Variants in HLTF observed in about 807,000 individuals in gnomAD.
The protein encoded by HLTF is DNA-dependent ATPase/E3 ubiquitin-protein ligase HLTF.
A neutral mutation model predicts 129.4 loss-of-function variants in HLTF; 127 were observed. The ratio of observed to expected loss-of-function variants is 0.98; its 90% CI spans 0.85 to 1.14. The LOEUF (loss-of-function observed/expected upper bound fraction) is 1.14, where lower values mean the gene tolerates loss of function less well. Among genes scored for constraint, HLTF ranks in the 50% most tolerant of loss-of-function variants. The probability of loss-of-function intolerance (pLI) is 0.00; values close to 1 mark genes in which losing one functional copy is unlikely to be tolerated. For missense variants in HLTF, 1,139 were observed against 1,187.1 expected (o/e 0.96, Z 0.60); for synonymous variants, 332 against 388.8 (o/e 0.85, Z 1.72).
At chr3:149,050,092 C>G in intron 15 of HLTF, 140 bp downstream of exon 15, 1 of 425,472 alleles carries the variant, frequency 2.4e-6, no homozygotes, top group East Asian at 3.7e-5. Flanking sequence ...AAAAAAAAAC[C>G]ATTTATTTTT....
intron 6 of HLTF, 67 bp downstream of exon 6, chr3:149,071,516 A>G (rs1718860179): frequency 2.0e-6 from 3 of 1,485,270 alleles, no homozygotes; most frequent in Admixed American, 1.8e-5. Flanking sequence ...GTGATTAAAC[A>G]AAAAGTAGAT....
At position 149,030,894 on chromosome 3, in the gene HLTF, A is replaced by C. The variant is rs975922; in HGVS notation, c.*1326T>G. On this transcript the variant is annotated 3_prime_UTR_variant, in exon 25 of 25. Coordinates refer to ENST00000310053, the MANE Select transcript of HLTF (RefSeq NM_003071.4). The stretch of plus-strand genomic sequence containing the variant: ...GGCATATACCTTCAATGTGTGCCCT[A>C]TAACACAACATTGTCTCCGATCTCA... The C allele has an allele frequency of 2.6e-5, 4 of 152,206 alleles. No homozygotes were observed. The highest frequency in any genetic ancestry group is 5.9e-5 in the Non-Finnish European group (4 of 68,024). 9.4% of individuals were successfully genotyped at this position (152,206 alleles called of 1,614,324 possible). A position where few individuals can be genotyped will look rare whatever the true frequency, so the allele number is the denominator to read the frequency against.
chr3:149,071,575 T>G lies in HLTF; in HGVS notation c.702+8A>C. 1.3e-6 allele frequency: 2 copies of G among 1,572,332 alleles called. No individual in the cohort carries two copies. The highest frequency in any genetic ancestry group is 8.7e-7 in the Non-Finnish European group (1 of 1,146,842). ...AGTAGTCTTAAATAAAAAATATTGG[T>G]TCAATACCTCAGCTGGTTCCATTTC... On this transcript the variant is annotated splice_region_variant and intron_variant, in intron 6 of 24. Coordinates refer to ENST00000310053, the MANE Select transcript of HLTF (RefSeq NM_003071.4).
chr3:149,038,170 T>G (rs746986828), intron 23 of HLTF, among the ~76,000 whole-genome samples: 1 of 152,160 alleles, frequency 6.6e-6, no homozygotes, highest in Non-Finnish European at 1.5e-5. Context: ...GGAAATTGCA[T>G]TTTACCTAAT....
chr3:149,070,641 AAC>A (rs569758966), intron 7 of HLTF, among the ~76,000 whole-genome samples: 83 of 152,366 alleles, frequency 5.4e-4, no homozygotes, highest in African/African-American at 1.9e-3. Flanking sequence ...TACTCTGCAT[AAC>A]ACAATATTTG....
intron 20 of HLTF, 28 bp downstream of exon 20, chr3:149,041,462 C>T: frequency 6.5e-7 from 1 of 1,543,756 alleles, no homozygotes; most frequent in African/African-American, 1.4e-5. Context: ...CTATCAAACA[C>T]TGAACCTGTA....
chr3:149,061,271 C>A (rs1035834918), intron 10 of HLTF, among the ~76,000 whole-genome samples: 15 of 151,942 alleles, frequency 9.9e-5, no homozygotes, highest in African/African-American at 3.1e-4. Context: ...GATAGCCGGG[C>A]GTGGTGGTGG....
At chr3:149,035,941 C>T (rs1715573960) in intron 23 of HLTF, among the ~76,000 whole-genome samples, 1 of 151,826 alleles carries the variant, frequency 6.6e-6, no homozygotes, top group South Asian at 2.1e-4. Flanking sequence ...CGAGACCATC[C>T]TGGCTAACAC....
rs139358881 is a variant in HLTF, at chr3:149,074,304, T to G, written c.440A>C (p.His147Pro). 8.1e-6 allele frequency: 13 copies of G among 1,613,456 alleles called. No homozygotes were observed. The highest frequency in any genetic ancestry group is 3.3e-4 in the Middle Eastern group (2 of 6,078). ...GANNAFTMPL[H>P]MTFWGKEENR... ...TTCTTCTTTTCCCCAAAAAGTCATA[T>G]GCAGAGGCATGGTAAAAGCATTGTT... Residue 147 changes from histidine (H) to proline (P), a missense_variant, in exon 4 of 25, where the codon CAT becomes CCT. Coordinates refer to ENST00000310053, the MANE Select transcript of HLTF (RefSeq NM_003071.4).
chr3:149,040,325 C>A, intron 20 of HLTF, 169 bp from the exon 21 acceptor site: 1 of 566,382 alleles, frequency 1.8e-6, no homozygotes, highest in African/African-American at 1.9e-5. Context: ...TGCTGAACTC[C>A]AGACATAATG....
At chr3:149,049,332 C>T (rs1223595017) in intron 15 of HLTF, among the ~76,000 whole-genome samples, 3 of 152,162 alleles carry the variant, frequency 2.0e-5, no homozygotes, top group African/African-American at 4.8e-5. Flanking sequence ...TGTTCTACCT[C>T]GGATTAAAAC....
intron 13 of HLTF, among the ~76,000 whole-genome samples, chr3:149,056,586 C>A (rs1717456260): frequency 6.6e-6 from 1 of 152,080 alleles, no homozygotes; most frequent in African/African-American, 2.4e-5. Flanking sequence ...TGTTCCAAGA[C>A]CCTCAATAGA....
intron 2 of HLTF, among the ~76,000 whole-genome samples, chr3:149,079,160 C>A (rs931823260): frequency 6.6e-6 from 1 of 151,266 alleles, no homozygotes; most frequent in Non-Finnish European, 1.5e-5. Flanking sequence ...CATAAGAGTA[C>A]CATAAGGAGA....
In HLTF at chr3:149,047,981, TAACA is replaced by T. The variant is rs750372143; in HGVS notation, c.1892+43_1892+46del. 47 of 1,484,616 alleles carry T rather than the reference TAACA, an allele frequency of 3.2e-5. No homozygotes were observed. The South Asian group carries it at 6.2e-4, about 20-fold the overall frequency. 92.0% of individuals were successfully genotyped at this position (1,484,616 alleles called of 1,614,324 possible). On this transcript the variant is annotated intron_variant, in intron 17 of 24. Coordinates refer to ENST00000310053, the MANE Select transcript of HLTF (RefSeq NM_003071.4). ...GAAAGTGCCAACTGGTTCAAGCTAC[TAACA>T]GTTATTTGTAACTAATATTAATCAC... is the stretch of plus-strand genomic sequence containing the variant.
At chr3:149,039,294 G>A (rs186948280) in intron 22 of HLTF, 65 bp from the exon 23 acceptor site, 121 of 1,150,344 alleles carry the variant, frequency 1.1e-4, no homozygotes, top group Admixed American at 1.4e-4. Context: ...ACAAAGTTAA[G>A]TAACTACAAA....
intron 13 of HLTF, among the ~76,000 whole-genome samples, 176 bp from the exon 14 acceptor site, chr3:149,055,576 CCA>C (rs1717363296): frequency 6.6e-6 from 1 of 152,124 alleles, no homozygotes; most frequent in Non-Finnish European, 1.5e-5. Context: ...AACTAAAAAT[CCA>C]CATAGTGATT....
rs1716527896 is a variant in HLTF, at chr3:149,046,124, C to T, written c.2028G>A (p.Lys676=). ...CTTCATTTTTCACAGACTGATAAAT[C>T]TTTCTCTCTTCATCTGAAAGTGTAA... is the stretch of plus-strand genomic sequence containing the variant. The part of the protein sequence containing the change: ...QHITLSDEER[K]IYQSVKNEGR... The change falls in exon 18 of 25, where the codon AAG becomes AAA. Residue 676 remains lysine, a synonymous_variant. Coordinates refer to ENST00000310053, the MANE Select transcript of HLTF (RefSeq NM_003071.4). 5.0e-6 allele frequency: 8 copies of T among 1,611,282 alleles called. No individual in the cohort carries two copies. In the Admixed American group the frequency reaches 6.7e-5, roughly 14 times the overall value.
Position 149,039,145 on chromosome 3 carries a change from A to G in HLTF, c.2700T>C (p.Thr900=). The change falls in exon 23 of 25, where the codon ACT becomes ACC. Residue 900 remains threonine (T), a synonymous_variant. Coordinates refer to ENST00000310053, the MANE Select transcript of HLTF (RefSeq NM_003071.4). ...GCATTATAGTTGGAGATCCTGCTTC[A>G]GTGTTTTGAAAACACTGAATTGATT... ...RVESIQCFQN[T]EAGSPTIMLL... is the part of the protein sequence containing the mutation. The G allele has an allele frequency of 6.2e-7, 1 of 1,612,694 alleles. No individual in the cohort carries two copies.
intron 14 of HLTF, among the ~76,000 whole-genome samples, chr3:149,053,662 C>T (rs2107998790): frequency 6.6e-6 from 1 of 152,312 alleles, no homozygotes; most frequent in East Asian, 1.9e-4. Context: ...ACCTCTCATT[C>T]CTTTAAATTC....
Sources: gnomAD v4.1 joint callset for allele counts (sites outside exome capture counted in the v4.1 genomes callset) on GRCh38, gnomAD v4.1.1 for gene constraint, MANE v1.5 for transcripts, NCBI Gene and HGNC (gene_info 2026-07-23, HGNC 2026-07-21) for gene names.